COLEC11: variants seen among roughly 807,000 people sequenced by gnomAD.
The protein encoded by COLEC11 is collectin subfamily member 11, also known as collectin-11.
A neutral mutation model predicts 27.3 loss-of-function variants in COLEC11; 20 were observed. The ratio of observed to expected loss-of-function variants is 0.73; its 90% CI spans 0.51 to 1.06. The LOEUF (loss-of-function observed/expected upper bound fraction) is 1.06, where lower values mean the gene tolerates loss of function less well. Ranked by LOEUF, COLEC11 falls within the 50% of genes least tolerant of loss-of-function variation. The pLI, the probability that COLEC11 is intolerant of heterozygous loss-of-function variation, is 0.00. For missense variants in COLEC11, 310 were observed against 383.0 expected, an observed-to-expected ratio of 0.81 and a Z score of 1.59; for synonymous variants, 163 against 154.7, an observed-to-expected ratio of 1.05 and a Z score of -0.40.
At chr2:3,629,984 A>G (rs1664857433) in intron 3 of COLEC11, among the ~76,000 whole-genome samples, 1 of 152,208 alleles carries the variant, frequency 6.6e-6, no homozygotes, top group Non-Finnish European at 1.5e-5. Flanking sequence ...ATTTATACAT[A>G]AATGCATGAA....
chr2:3,607,188 G>C (rs979828138), intron 2 of COLEC11, among the ~76,000 whole-genome samples: 63 of 152,042 alleles, frequency 4.1e-4, no homozygotes, highest in African/African-American at 1.5e-3. Context: ...TGCTGGTGGT[G>C]CTTGAGATGA....
intron 2 of COLEC11, among the ~76,000 whole-genome samples, chr2:3,612,814 G>A (rs1275367632): frequency 6.6e-6 from 1 of 152,186 alleles, no homozygotes; most frequent in Non-Finnish European, 1.5e-5. Context: ...CGTGGTGGAG[G>A]CCCTGGCTGA....
intron 3 of COLEC11, among the ~76,000 whole-genome samples, chr2:3,630,198 GTATGTATGTGTGCA>G (rs933954472): frequency 1.1e-4 from 16 of 152,134 alleles, no homozygotes; most frequent in Non-Finnish European, 2.4e-4. Flanking sequence ...TATGTGTATA[GTATGTATGTGTGCA>G]TATGTATGTG....
intron 3 of COLEC11, among the ~76,000 whole-genome samples, chr2:3,625,274 C>T (rs556411156): frequency 1.3e-5 from 2 of 152,118 alleles, no homozygotes; most frequent in South Asian, 2.1e-4. Context: ...GTCAGGCTTC[C>T]ATGCTCAAGC....
rs1292599300 is a variant in COLEC11, at chr2:3,643,438, C to T, written c.329-6C>T. On this transcript the variant is annotated splice_polypyrimidine_tract_variant and splice_region_variant and intron_variant, in intron 5 of 6. Transcript: ENST00000349077. ...CGTTTGTAACGCGTGGGCCTGGCCC[C>T]CGCAGGCCTCCCATGTGAGTGCAGC... is the stretch of plus-strand genomic sequence containing the variant. 6 of 1,611,692 alleles carry T rather than the reference C, an allele frequency of 3.7e-6. No homozygotes were observed. Among genetic ancestry groups the T allele is most frequent in the Non-Finnish European group, 5.1e-6 (6 of 1,178,346 alleles).
At chr2:3,619,904 G>A (rs1664061410) in intron 3 of COLEC11, among the ~76,000 whole-genome samples, 2 of 152,234 alleles carry the variant, frequency 1.3e-5, no homozygotes, top group Admixed American at 6.5e-5. Context: ...GGGATTACAA[G>A]CATGAGCCAC....
intron 2 of COLEC11, 120 bp from the exon 3 acceptor site, chr2:3,613,191 G>T: frequency 9.4e-7 from 1 of 1,062,352 alleles, no homozygotes; most frequent in Non-Finnish European, 1.4e-6. Context: ...AGGGAGAGAA[G>T]GGGCTTGGCC....
At chr2:3,638,516 G>A (rs2147957874) in intron 4 of COLEC11, among the ~76,000 whole-genome samples, 1 of 152,246 alleles carries the variant, frequency 6.6e-6, no homozygotes, top group Non-Finnish European at 1.5e-5. Context: ...CATCTGCCTC[G>A]GAGCAGGTTG....
intron 1 of COLEC11, among the ~76,000 whole-genome samples, chr2:3,600,838 G>T (rs1369664647): frequency 6.6e-6 from 1 of 152,232 alleles, no homozygotes; most frequent in Non-Finnish European, 1.5e-5. Flanking sequence ...GCTGGGCAAT[G>T]GGTATATGGA....
At chr2:3,611,334 G>A (rs1233121722) in intron 2 of COLEC11, among the ~76,000 whole-genome samples, 5 of 152,216 alleles carry the variant, frequency 3.3e-5, no homozygotes, top group African/African-American at 9.6e-5. Flanking sequence ...CCCGCACAGC[G>A]TCTCTGCTCG....
chr2:3,640,314 G>T lies in COLEC11; in HGVS notation c.311G>T (p.Gly104Val). ...GATTCCGGTGACATAGGACCCCCTG[G>T]TCCTAATGGAGAACCAGGTATGGCA... ...KGDSGDIGPP[G>V]PNGEPGLPCE... Residue 104 changes from glycine (G) to valine (V), a missense_variant, in exon 5 of 7, where the codon GGT (glycine) becomes GTT (valine). Physicochemically the swap from Gly to Val is moderately radical, Grantham distance 109. Transcript: ENST00000349077. 1 of 1,597,478 alleles carries T rather than the reference G, an allele frequency of 6.3e-7. No homozygotes were observed. Among genetic ancestry groups the T allele is most frequent in the Non-Finnish European group, 8.6e-7 (1 of 1,165,070 alleles).
intron 3 of COLEC11, among the ~76,000 whole-genome samples, chr2:3,626,517 T>TGCCTGGTG (rs1345840449): frequency 7.9e-5 from 12 of 152,234 alleles, no homozygotes; most frequent in Non-Finnish European, 1.5e-5. Context: ...AGTTGCCTGG[T>TGCCTGGTG]GCCTGGTGGC....
At chr2:3,629,184 T>G (rs766845111) in intron 3 of COLEC11, among the ~76,000 whole-genome samples, 2 of 152,232 alleles carry the variant, frequency 1.3e-5, no homozygotes, top group Admixed American at 6.5e-5. Context: ...CCAAGAGAAG[T>G]CTTCAAGTTG....
At chr2:3,611,855 G>T (rs1009942532) in intron 2 of COLEC11, among the ~76,000 whole-genome samples, 2 of 152,134 alleles carry the variant, frequency 1.3e-5, no homozygotes, top group Admixed American at 1.3e-4. Flanking sequence ...CTCTCTCCAA[G>T]ACAAGGTGTG....
intron 3 of COLEC11, among the ~76,000 whole-genome samples, chr2:3,618,757 T>C (rs1483410226): frequency 6.6e-6 from 1 of 152,226 alleles, no homozygotes; most frequent in Non-Finnish European, 1.5e-5. Context: ...ACTGAATCTG[T>C]AGATTGCATT....
intron 1 of COLEC11, chr2:3,603,749 T>C: frequency 7.3e-7 from 1 of 1,376,874 alleles, no homozygotes; most frequent in South Asian, 1.2e-5. Context: ...CCCAGGCCCC[T>C]GGGTTCCTAA....
intron 1 of COLEC11, chr2:3,603,965 G>A (rs1038700866): frequency 3.0e-5 from 17 of 564,994 alleles, no homozygotes; most frequent in Admixed American, 1.5e-4. Context: ...CCATGTCTGT[G>A]GCTGGCTATG....
At chr2:3,641,624 A>G (rs140008794) in intron 5 of COLEC11, among the ~76,000 whole-genome samples, 2,868 of 152,310 alleles carry the variant, frequency 0.019, 37 homozygotes, top group Non-Finnish European at 0.031. Context: ...ATATTTAACA[A>G]ATTTTATCTT....
At chr2:3,613,570 C>G (rs550562699) in intron 3 of COLEC11, among the ~76,000 whole-genome samples, 188 bp downstream of exon 3, 1 of 152,104 alleles carries the variant, frequency 6.6e-6, no homozygotes, top group Non-Finnish European at 1.5e-5. Flanking sequence ...CAGCACTGCT[C>G]CTTGTGCTGA....
Sources: gnomAD v4.1 joint callset for allele counts (sites outside exome capture counted in the v4.1 genomes callset) on GRCh38, gnomAD v4.1.1 for gene constraint, MANE v1.5 for transcripts, NCBI Gene and HGNC (gene_info 2026-07-23, HGNC 2026-07-21) for gene names.